The following PDE4D variants were observed in gnomAD, a reference collection of about 807,000 sequenced individuals.
The protein encoded by PDE4D is phosphodiesterase 4D.
A neutral mutation model predicts 87.4 loss-of-function variants in PDE4D; 24 were observed. That is an observed-to-expected ratio of 0.27 (90% CI 0.20 to 0.39). The LOEUF (loss-of-function observed/expected upper bound fraction) is 0.39, where lower values mean the gene tolerates loss of function less well. Ranked by LOEUF, PDE4D falls within the 10% of genes least tolerant of loss-of-function variation. The pLI is 1.00. For missense variants in PDE4D, 714 were observed against 1,041.0 expected (o/e 0.69, Z 4.32); for synonymous variants, 384 against 383.2 (o/e 1.00, Z -0.02).
At chr5:59,334,165 A>G (rs1302784912) in intron 1 of PDE4D, among the ~76,000 whole-genome samples, 2 of 149,894 alleles carry the variant, frequency 1.3e-5, no homozygotes, top group Non-Finnish European at 3.0e-5. Context: ...GATAGCCTTT[A>G]TAGGATTGGC....
chr5:60,043,166 C>T (rs1049692885), intron 2 of PDE4D, among the ~76,000 whole-genome samples: 3 of 151,034 alleles, frequency 2.0e-5, no homozygotes, highest in African/African-American at 7.3e-5. Context: ...GTATCAATAG[C>T]CAAATTGATC....
intron 1 of PDE4D, among the ~76,000 whole-genome samples, chr5:59,792,703 A>G (rs1167424923): frequency 6.6e-6 from 1 of 152,230 alleles, no homozygotes; most frequent in Non-Finnish European, 1.5e-5. Context: ...CAGAGGAGTG[A>G]TCTAATCCAG....
intron 6 of PDE4D, among the ~76,000 whole-genome samples, chr5:59,009,586 GT>G (rs1752353293): frequency 6.6e-6 from 1 of 152,024 alleles, no homozygotes; most frequent in South Asian, 2.1e-4. Flanking sequence ...TGGACGTGGG[GT>G]TTGGGGAATG....
intron 1 of PDE4D, among the ~76,000 whole-genome samples, chr5:59,361,108 T>C (rs1050407859): frequency 1.3e-5 from 2 of 152,200 alleles, no homozygotes; most frequent in Non-Finnish European, 2.9e-5. Context: ...CAAGCTTTTC[T>C]ATTCACTAAA....
chr5:59,156,316 A>ATATATATAT (rs1554082861), intron 5 of PDE4D, among the ~76,000 whole-genome samples: 1 of 22,608 alleles, frequency 4.4e-5, no homozygotes, highest in Non-Finnish European at 1.1e-4. Flanking sequence ...CCAGAAAAAA[A>ATATATATAT]AAAAATATAT....
intron 1 of PDE4D, among the ~76,000 whole-genome samples, chr5:59,772,084 A>C (rs968243758): frequency 2.0e-5 from 3 of 152,242 alleles, no homozygotes; most frequent in African/African-American, 7.2e-5. Context: ...CAGTCCTTGA[A>C]ATAACTTGAA....
chr5:59,684,712 C>T (rs1465231827), intron 1 of PDE4D, among the ~76,000 whole-genome samples: 1 of 152,150 alleles, frequency 6.6e-6, no homozygotes, highest in Non-Finnish European at 1.5e-5. Context: ...AAATTCACTG[C>T]AACATTTTAG....
intron 4 of PDE4D, among the ~76,000 whole-genome samples, chr5:59,180,995 T>G (rs762566939): frequency 2.6e-5 from 4 of 152,212 alleles, no homozygotes; most frequent in Non-Finnish European, 5.9e-5. Flanking sequence ...CAATTTATAA[T>G]TGTCTTCCCT....
chr5:59,432,263 TTATTAA>T (rs201228584), intron 1 of PDE4D, among the ~76,000 whole-genome samples: 5 of 128,350 alleles, frequency 3.9e-5, no homozygotes, highest in East Asian at 4.3e-4. Context: ...GTATAATCCT[TTATTAA>T]TATTAAGTCA....
intron 2 of PDE4D, among the ~76,000 whole-genome samples, chr5:60,143,742 T>C (rs898452151): frequency 2.0e-5 from 3 of 151,740 alleles, no homozygotes; most frequent in Non-Finnish European, 4.4e-5. Context: ...ATAAGAAAAT[T>C]TATTGATTAT....
intron 1 of PDE4D, among the ~76,000 whole-genome samples, chr5:59,250,325 CAA>C (rs1312928536): frequency 7.2e-6 from 1 of 139,314 alleles, no homozygotes; most frequent in Non-Finnish European, 1.6e-5. Flanking sequence ...AAAAAAAAAA[CAA>C]AAAAAATTAA....
chr5:60,435,049 T>C (rs1301085139), intron 1 of PDE4D, among the ~76,000 whole-genome samples: 1 of 152,136 alleles, frequency 6.6e-6, no homozygotes, highest in Non-Finnish European at 1.5e-5. Flanking sequence ...AATTATGAGA[T>C]GTGTTTGCCA....
At chr5:60,243,400 G>A (rs750559343) in intron 1 of PDE4D, among the ~76,000 whole-genome samples, 58 of 151,734 alleles carry the variant, frequency 3.8e-4, no homozygotes, top group Admixed American at 5.9e-4. Context: ...ATTTAAAGAA[G>A]AACTAATAAC....
In PDE4D at chr5:59,962,237, G is replaced by A. The variant is rs149308765; in HGVS notation, c.272+26251C>T. On this transcript the variant is annotated intron_variant, in intron 3 of 16. Transcript: ENST00000502484. ...AAGTGGTAATTCAATAAGAGAAAGA[G>A]ATAAATTTCAAATAGATATGATGAA... Among the ~76,000 whole-genome samples the A allele has an allele frequency of 4.1e-3, 618 of 152,182 alleles. 6 individuals are homozygous for A. Among genetic ancestry groups the A allele is most frequent in the African/African-American group, 0.014 (580 of 41,538 alleles).
intron 2 of PDE4D, among the ~76,000 whole-genome samples, chr5:59,213,488 T>G (rs1430862077): frequency 1.3e-5 from 2 of 152,150 alleles, no homozygotes; most frequent in Non-Finnish European, 2.9e-5. Context: ...CAGCTCCATC[T>G]TTAAACCCTC....
chr5:59,460,802 A>G (rs1198314935), intron 1 of PDE4D, among the ~76,000 whole-genome samples: 1 of 152,112 alleles, frequency 6.6e-6, no homozygotes, highest in Non-Finnish European at 1.5e-5. Flanking sequence ...CTGTACCCCA[A>G]CTGGGCAGAT....
At chr5:59,864,561 G>A (rs117835205) in intron 1 of PDE4D, among the ~76,000 whole-genome samples, 1 of 152,120 alleles carries the variant, frequency 6.6e-6, no homozygotes, top group East Asian at 1.9e-4. Flanking sequence ...ATGTAAAAGG[G>A]CATTTCACTA....
upstream of PDE4D, among the ~76,000 whole-genome samples, chr5:60,488,690 T>A (rs1749344928): frequency 6.6e-6 from 1 of 152,092 alleles, no homozygotes; most frequent in Non-Finnish European, 1.5e-5. Context: ...GGTAGGCTTT[T>A]CACCCACCCA....
chr5:59,469,181 A>G (rs1802038597), intron 1 of PDE4D, among the ~76,000 whole-genome samples: 1 of 152,106 alleles, frequency 6.6e-6, no homozygotes, highest in Admixed American at 6.6e-5. Flanking sequence ...CAAAAAAATT[A>G]GCAGGGCGTG....
Sources: allele counts gnomAD v4.1 joint callset (sites outside exome capture counted in the v4.1 genomes callset), GRCh38; gene constraint gnomAD v4.1.1; transcripts MANE v1.5; gene names NCBI Gene and HGNC (gene_info 2026-07-23, HGNC 2026-07-21).